The following DTNB variants were observed in gnomAD, a reference collection of about 807,000 sequenced individuals.
The protein encoded by DTNB is dystrobrevin beta, also known as DTN-B.
A neutral mutation model predicts 90.7 loss-of-function variants in DTNB; 63 were observed. That is an observed-to-expected ratio of 0.69 (90% CI 0.57 to 0.86). The LOEUF is 0.86. Among genes scored for constraint, DTNB ranks in the 40% least tolerant of loss-of-function variants. The pLI is 0.00. For synonymous variants in DTNB, 277 were observed against 286.7 expected, an observed-to-expected ratio of 0.97 and a Z score of 0.34; for missense variants, 744 against 807.1, an observed-to-expected ratio of 0.92 and a Z score of 0.95.
intron 8 of DTNB, among the ~76,000 whole-genome samples, chr2:25,537,232 G>A (rs2080042115): frequency 6.6e-6 from 1 of 151,838 alleles, no homozygotes; most frequent in Non-Finnish European, 1.5e-5. Flanking sequence ...GATGCAATCA[G>A]AGGACATCAA....
chr2:25,557,756 GA>G (rs1357430133), intron 8 of DTNB, among the ~76,000 whole-genome samples: 1 of 152,186 alleles, frequency 6.6e-6, no homozygotes, highest in Non-Finnish European at 1.5e-5. Flanking sequence ...CTAACACAAA[GA>G]GGTAAAAAAT....
At chr2:25,388,469 T>G in intron 16 of DTNB, 108 bp from the exon 17 acceptor site, 3 of 1,384,054 alleles carry the variant, frequency 2.2e-6, no homozygotes, top group Non-Finnish European at 1.9e-6. Context: ...GGGCCTCAGT[T>G]CAGTGGTACA....
intron 16 of DTNB, among the ~76,000 whole-genome samples, chr2:25,401,252 C>A (rs1483339759): frequency 1.3e-5 from 2 of 152,144 alleles, no homozygotes; most frequent in Admixed American, 1.3e-4. Context: ...TGACACTAAC[C>A]GTGATTTTCC....
chr2:25,501,525 G>A (rs1284588467), intron 9 of DTNB, among the ~76,000 whole-genome samples: 2 of 151,842 alleles, frequency 1.3e-5, no homozygotes, highest in African/African-American at 4.8e-5. Flanking sequence ...GATTACAGGT[G>A]TGAGCCACCA....
At chr2:25,462,983 G>C (rs965880262) in intron 10 of DTNB, among the ~76,000 whole-genome samples, 1 of 152,150 alleles carries the variant, frequency 6.6e-6, no homozygotes, top group Non-Finnish European at 1.5e-5. Flanking sequence ...GATTACAGGC[G>C]TGAGCCACCG....
intron 3 of DTNB, among the ~76,000 whole-genome samples, chr2:25,636,634 A>C (rs1226841624): frequency 6.6e-6 from 1 of 152,204 alleles, no homozygotes; most frequent in Admixed American, 6.5e-5. Flanking sequence ...ATATATTTAA[A>C]TCATCACAGA....
chr2:25,547,282 T>A (rs1178650758), intron 8 of DTNB, among the ~76,000 whole-genome samples: 3 of 151,816 alleles, frequency 2.0e-5, no homozygotes, highest in East Asian at 1.9e-4. Flanking sequence ...TTTTTTTTTT[T>A]AATCTACCAC....
chr2:25,633,158 G>GCTCTCC (rs201883625), intron 3 of DTNB, among the ~76,000 whole-genome samples: 36 of 152,026 alleles, frequency 2.4e-4, no homozygotes, highest in African/African-American at 4.1e-4. Flanking sequence ...TTTTAAAATA[G>GCTCTCC]CTCTCCCTCT....
chr2:25,408,625 T>C (rs910928525), intron 16 of DTNB, among the ~76,000 whole-genome samples: 1 of 152,104 alleles, frequency 6.6e-6, no homozygotes, highest in African/African-American at 2.4e-5. Flanking sequence ...CTTCTACTTT[T>C]CTTTTTTTAA....
At chr2:25,530,143 T>C (rs1575434143) in intron 9 of DTNB, among the ~76,000 whole-genome samples, 1 of 152,126 alleles carries the variant, frequency 6.6e-6, no homozygotes, top group East Asian at 1.9e-4. Flanking sequence ...AAGTCAATAA[T>C]GTCTAAAACT....
At chr2:25,535,228 T>C (rs500864) in intron 8 of DTNB, among the ~76,000 whole-genome samples, 94,881 of 140,142 alleles carry the variant, frequency 0.68, 31,997 homozygotes, top group African/African-American at 0.83. Context: ...AGACTATGGG[T>C]GGCCAGGCAG....
chr2:25,602,970 A>T (rs1247880630), intron 5 of DTNB, among the ~76,000 whole-genome samples: 1 of 152,198 alleles, frequency 6.6e-6, no homozygotes, highest in Non-Finnish European at 1.5e-5. Context: ...ATATACAAAA[A>T]ACTTGGGGTA....
At chr2:25,378,994 CCT>C (rs909812371) in intron 20 of DTNB, among the ~76,000 whole-genome samples, 17 of 152,236 alleles carry the variant, frequency 1.1e-4, no homozygotes, top group Admixed American at 5.9e-4. Flanking sequence ...CTCAGCACAC[CCT>C]GTTTCAGCCA....
chr2:25,582,018 C>T (rs1179542684), intron 6 of DTNB, among the ~76,000 whole-genome samples: 3 of 152,206 alleles, frequency 2.0e-5, no homozygotes, highest in African/African-American at 7.2e-5. Flanking sequence ...TTCTCAGTCC[C>T]ACCACTTTCT....
intron 8 of DTNB, among the ~76,000 whole-genome samples, chr2:25,568,802 C>T (rs1452645502): frequency 2.6e-5 from 4 of 152,212 alleles, no homozygotes; most frequent in East Asian, 3.8e-4. Context: ...CAACCATCAC[C>T]GGCACCATGA....
chr2:25,514,932 C>T (rs2074763186), intron 9 of DTNB, among the ~76,000 whole-genome samples: 1 of 152,112 alleles, frequency 6.6e-6, no homozygotes, highest in Non-Finnish European at 1.5e-5. Context: ...ATCCGCCTGC[C>T]TTGGCCTCCC....
intron 1 of DTNB, among the ~76,000 whole-genome samples, chr2:25,670,089 G>C (rs1010239956): frequency 6.6e-6 from 1 of 152,120 alleles, no homozygotes; most frequent in Non-Finnish European, 1.5e-5. Flanking sequence ...AATAAACTAC[G>C]ATACATACTA....
At chr2:25,580,673 C>T in intron 7 of DTNB, 48 bp downstream of exon 7, 1 of 1,509,760 alleles carries the variant, frequency 6.6e-7, no homozygotes, top group Non-Finnish European at 9.2e-7. Flanking sequence ...TAATCAGTTC[C>T]TATACTTTCT....
At chr2:25,546,769 C>T (rs1252611963) in intron 8 of DTNB, among the ~76,000 whole-genome samples, 1 of 152,036 alleles carries the variant, frequency 6.6e-6, no homozygotes, top group Non-Finnish European at 1.5e-5. Flanking sequence ...AAGGAGATTA[C>T]AATTAGCTTA....
Sources: allele counts gnomAD v4.1 joint callset (sites outside exome capture counted in the v4.1 genomes callset), GRCh38; gene constraint gnomAD v4.1.1; transcripts MANE v1.5; gene names NCBI Gene and HGNC (gene_info 2026-07-23, HGNC 2026-07-21).